Variants in DGKG observed in about 807,000 individuals in gnomAD.
DGKG encodes the protein diacylglycerol kinase gamma.
In DGKG, 78 loss-of-function variants were observed where a neutral mutation model predicts 105.3. The observed-to-expected ratio is 0.74, with a 90% CI of 0.62 to 0.89. The LOEUF (loss-of-function observed/expected upper bound fraction) is 0.89, where lower values mean the gene tolerates loss of function less well. Among genes scored for constraint, DGKG ranks in the 40% least tolerant of loss-of-function variants. DGKG has a pLI of 0.00. For missense variants in DGKG, 958 were observed against 1,020.1 expected (o/e 0.94, Z 0.83); for synonymous variants, 346 against 367.1 (o/e 0.94, Z 0.66).
intron 1 of DGKG, among the ~76,000 whole-genome samples, chr3:186,347,567 C>T (rs1248824857): frequency 4.0e-5 from 6 of 150,588 alleles, no homozygotes; most frequent in Non-Finnish European, 8.9e-5. Flanking sequence ...CTTGCTATTT[C>T]CTTTTTTACG....
chr3:186,151,031 T>C (rs1336227904), intron 24 of DGKG, among the ~76,000 whole-genome samples: 1 of 152,214 alleles, frequency 6.6e-6, no homozygotes, highest in African/African-American at 2.4e-5. Flanking sequence ...GCAATTAGAA[T>C]TCAAAGACCT....
chr3:186,337,586 T>A (rs1725890414), intron 1 of DGKG, among the ~76,000 whole-genome samples: 1 of 152,160 alleles, frequency 6.6e-6, no homozygotes, highest in African/African-American at 2.4e-5. Flanking sequence ...TTAGAAACTC[T>A]ACTATTCAGC....
At chr3:186,196,850 G>A (rs921526464) in intron 21 of DGKG, among the ~76,000 whole-genome samples, 2 of 152,152 alleles carry the variant, frequency 1.3e-5, no homozygotes, top group South Asian at 4.1e-4. Context: ...GGGGTGAGTC[G>A]GGTGGTGGTA....
Position 186,203,722 on chromosome 3 carries a change from T to C in DGKG, c.1917+8073A>G, listed in dbSNP as rs1718585533. Among the ~76,000 whole-genome samples the C allele has an allele frequency of 6.6e-6, 1 of 152,208 alleles. No individual in the cohort carries two copies. Among genetic ancestry groups the C allele is most frequent in the Non-Finnish European group, 1.5e-5 (1 of 68,042 alleles). On this transcript the variant is annotated intron_variant, in intron 21 of 24. Coordinates refer to ENST00000265022, the MANE Select transcript of DGKG (RefSeq NM_001346.3). The surrounding 1 kb of genome is among the most constrained non-coding windows in gnomAD (Gnocchi z 4.9). ...TTACTTTTGACTCCATGGTTTGATA[T>C]GTAATCAGGTTGGCCCTCTTATTTT... is the stretch of plus-strand genomic sequence containing the variant.
chr3:186,170,402 AC>A (rs1484168352), intron 22 of DGKG, among the ~76,000 whole-genome samples: 1 of 152,028 alleles, frequency 6.6e-6, no homozygotes, highest in Non-Finnish European at 1.5e-5. Context: ...CTTAGGCCAC[AC>A]CCCAGACCTA....
chr3:186,147,919 GCCTGGTTTT>G lies in DGKG; in HGVS notation c.*2162_*2170del, dbSNP rs1358192507. ...CATCATTAAAGATATTCTTCAGGTG[GCCTGGTTTT>G]CCCCTTACTTAGCATTCTGCACTGT... On this transcript the variant is annotated 3_prime_UTR_variant, in exon 25 of 25. Transcript: ENST00000265022. 28 of 985,290 alleles carry G rather than the reference GCCTGGTTTT, an allele frequency of 2.8e-5. No homozygotes were observed. The highest frequency in any genetic ancestry group is 3.4e-5 in the Non-Finnish European group (28 of 829,946). 61.0% of individuals were successfully genotyped at this position (985,290 alleles called of 1,614,324 possible).
chr3:186,274,333 G>A lies in DGKG; in HGVS notation c.910+1214C>T, dbSNP rs147001455. On this transcript the variant is annotated intron_variant, in intron 10 of 24. Coordinates refer to ENST00000265022, the MANE Select transcript of DGKG (RefSeq NM_001346.3). ...CTCCTGAGTAGCTGGGATTACAGGC[G>A]CATGCCACCATGCCCAGCTAATTTT... Among the ~76,000 whole-genome samples, 583 of 152,064 alleles carry A rather than the reference G, an allele frequency of 3.8e-3. 9 individuals carry two copies. Among genetic ancestry groups the A allele is most frequent in the African/African-American group, 0.013 (554 of 41,494 alleles).
intron 1 of DGKG, among the ~76,000 whole-genome samples, chr3:186,323,442 G>C (rs1443845727): frequency 6.6e-6 from 1 of 152,136 alleles, no homozygotes; most frequent in South Asian, 2.1e-4. Flanking sequence ...AAAAAAATGA[G>C]GTTAGGTATT....
intron 21 of DGKG, among the ~76,000 whole-genome samples, chr3:186,192,158 G>C (rs1717939632): frequency 6.6e-6 from 1 of 152,076 alleles, no homozygotes; most frequent in Admixed American, 6.6e-5. Context: ...ACAGGTGCCT[G>C]TCACCACGCC....
chr3:186,182,796 C>A lies in DGKG; in HGVS notation c.2095+5406G>T, dbSNP rs892125733. On this transcript the variant is annotated intron_variant, in intron 22 of 24. Transcript: ENST00000265022. The stretch of plus-strand genomic sequence containing the variant: ...GCAAACTGGAGGCAAGATTCTTTCC[C>A]CTCTCTCCCCTCTTCCAACAAACGT... 1.3e-5 allele frequency among the ~76,000 whole-genome samples: 2 copies of A among 152,116 alleles called. 1 individual carries two copies. Among genetic ancestry groups the A allele is most frequent in the South Asian group, 4.1e-4 (2 of 4,834 alleles).
chr3:186,333,941 C>T (rs1361423658), intron 1 of DGKG, among the ~76,000 whole-genome samples: 2 of 152,142 alleles, frequency 1.3e-5, no homozygotes, highest in African/African-American at 4.8e-5. Context: ...AAACCACGCT[C>T]AGCTTGGTAA....
intron 6 of DGKG, among the ~76,000 whole-genome samples, chr3:186,287,537 T>A (rs963946209): frequency 4.6e-5 from 7 of 152,218 alleles, no homozygotes; most frequent in Admixed American, 6.5e-5. Flanking sequence ...TAAGACTCAG[T>A]TGGAGAGTCA....
chr3:186,169,240 G>C (rs1196836335), intron 22 of DGKG, among the ~76,000 whole-genome samples: 3 of 152,118 alleles, frequency 2.0e-5, no homozygotes, highest in Non-Finnish European at 4.4e-5. Flanking sequence ...AAGTGTGAAG[G>C]CAGGATATAA....
chr3:186,266,005 A>T (rs1722038861), intron 13 of DGKG, among the ~76,000 whole-genome samples: 1 of 152,098 alleles, frequency 6.6e-6, no homozygotes, highest in South Asian at 2.1e-4. Context: ...CTATCTAATG[A>T]TATGATATTG....
intron 19 of DGKG, among the ~76,000 whole-genome samples, chr3:186,250,557 C>CTTTTTTATTTTTTTTTTTTTTT (rs377272555): frequency 8.6e-6 from 1 of 116,176 alleles, no homozygotes; most frequent in African/African-American, 3.3e-5. Flanking sequence ...TTCTGTCATT[C>CTTTTTTATTTTTTTTTTTTTTT]TTTTTTTTTT....
rs763542048 is a variant in DGKG at position 186,261,699 on chromosome 3, C to T, written c.1349G>A (p.Arg450Lys). The change falls in exon 15 of 25, where the codon AGA becomes AAA. Residue 450 changes from arginine to lysine, a missense_variant and splice_region_variant. By Grantham distance (26) the Arg-to-Lys change is conservative (BLOSUM62 2). Coordinates refer to ENST00000265022, the MANE Select transcript of DGKG (RefSeq NM_001346.3). ...CACTTTGAAACAGAAGAGAACGTAC[C>T]TTTCTCCTTGTCTCCCTCCACTCTT... ...NPKSGGRQGE[R>K]ILRKFHYLLN... The T allele has an allele frequency of 1.2e-6, 2 of 1,601,088 alleles. No homozygotes were observed. Among genetic ancestry groups the T allele is most frequent in the Admixed American group, 1.7e-5 (1 of 59,262 alleles).
chr3:186,295,805 CCA>C (rs1723528290), intron 5 of DGKG, among the ~76,000 whole-genome samples: 1 of 151,910 alleles, frequency 6.6e-6, no homozygotes, highest in African/African-American at 2.4e-5. Flanking sequence ...TAATGGCAGA[CCA>C]TACTGAGTTA....
chr3:186,299,848 T>TCTTTCTTTCTTTCTTTCCTTC (rs1723833709), intron 3 of DGKG, among the ~76,000 whole-genome samples: 1 of 147,478 alleles, frequency 6.8e-6, no homozygotes, highest in African/African-American at 2.5e-5. Flanking sequence ...TTTTTTTTTT[T>TCTTTCTTTCTTTCTTTCCTTC]TTTTGAGATA....
In DGKG at chr3:186,260,628, T is replaced by C. The variant is rs1157656946; in HGVS notation, c.1350-115A>G. ...AGCCCACTGGTGGCAGGGATGAGGG[T>C]TCATTTAAACCCCGGAGGGGAGGGC... On this transcript the variant is annotated intron_variant, in intron 15 of 24. Transcript: ENST00000265022. 5.0e-6 allele frequency: 4 copies of C among 807,856 alleles called. No homozygotes were observed. The African/African-American group carries it at 5.1e-5, about 10-fold the overall frequency. The allele number at this position is 807,856 out of a possible 1,614,324, so 50.0% of individuals were successfully genotyped here. A position where few individuals can be genotyped will look rare whatever the true frequency, so the allele number is the denominator to read the frequency against.
Sources: gnomAD v4.1 joint callset for allele counts (sites outside exome capture counted in the v4.1 genomes callset) on GRCh38, gnomAD v4.1.1 for gene constraint, Gnocchi (gnomAD v3.1) non-coding constraint, MANE v1.5 for transcripts, NCBI Gene and HGNC (gene_info 2026-07-23, HGNC 2026-07-21) for gene names.